The following SGCZ variants were observed in gnomAD, a reference collection of about 807,000 sequenced individuals.
SGCZ encodes zeta-sarcoglycan.
Under a neutral mutation model 41.3 loss-of-function variants are expected in SGCZ, and 40 were observed. The ratio of observed to expected loss-of-function variants is 0.97; its 90% CI spans 0.75 to 1.26. The LOEUF (loss-of-function observed/expected upper bound fraction) is 1.26. Among genes scored for constraint, SGCZ ranks in the 50% most tolerant of loss-of-function variants. The probability of loss-of-function intolerance (pLI) is 0.00; values close to 1 mark genes in which losing one functional copy is unlikely to be tolerated. For synonymous variants in SGCZ, 206 were observed against 137.5 expected (o/e 1.50, Z -3.49); for missense variants, 552 against 369.8 (o/e 1.49, Z -4.04).
At chr8:14,933,908 A>G (rs1353569001) in intron 1 of SGCZ, among the ~76,000 whole-genome samples, 1 of 152,034 alleles carries the variant, frequency 6.6e-6, no homozygotes, top group East Asian at 1.9e-4. Context: ...AAAAACACAC[A>G]GGGACAAAAT....
chr8:14,276,608 T>C (rs887369562), intron 3 of SGCZ, among the ~76,000 whole-genome samples: 1 of 152,198 alleles, frequency 6.6e-6, no homozygotes, highest in Admixed American at 6.5e-5. Context: ...TGCTCACTTC[T>C]CACTTGGACT....
intron 4 of SGCZ, among the ~76,000 whole-genome samples, chr8:14,206,178 C>A (rs1805609494): frequency 6.6e-6 from 1 of 151,946 alleles, no homozygotes; most frequent in East Asian, 1.9e-4. Flanking sequence ...AACATCATAT[C>A]CTTATAGTAT....
intron 3 of SGCZ, among the ~76,000 whole-genome samples, chr8:14,310,180 G>C (rs543851303): frequency 1.3e-5 from 2 of 152,194 alleles, no homozygotes; most frequent in East Asian, 1.9e-4. Context: ...ATGGCTGATA[G>C]ATTTTAATTT....
At chr8:14,458,484 C>A (rs577041383) in intron 2 of SGCZ, among the ~76,000 whole-genome samples, 2 of 152,078 alleles carry the variant, frequency 1.3e-5, no homozygotes, top group Non-Finnish European at 2.9e-5. Flanking sequence ...ATAATGAGAT[C>A]TAGGTGTCTC....
chr8:14,844,394 A>T (rs989752761), intron 1 of SGCZ, among the ~76,000 whole-genome samples: 1 of 152,140 alleles, frequency 6.6e-6, no homozygotes, highest in African/African-American at 2.4e-5. Flanking sequence ...GTGCTTTGCC[A>T]TACCCCTGTG....
intron 5 of SGCZ, among the ~76,000 whole-genome samples, chr8:14,160,234 A>T (rs951657536): frequency 6.6e-6 from 1 of 152,210 alleles, no homozygotes; most frequent in African/African-American, 2.4e-5. Flanking sequence ...AAACAATTCT[A>T]CGGGGCTGAT....
chr8:14,488,931 A>T (rs2117023673), intron 2 of SGCZ, among the ~76,000 whole-genome samples: 2 of 151,290 alleles, frequency 1.3e-5, no homozygotes, highest in South Asian at 4.2e-4. Context: ...TCCTCCATGG[A>T]TTCAGCAGCA....
At chr8:15,232,034 C>A (rs1246554716) in intron 1 of SGCZ, among the ~76,000 whole-genome samples, 1 of 152,220 alleles carries the variant, frequency 6.6e-6, no homozygotes, top group Non-Finnish European at 1.5e-5. Flanking sequence ...ATGCACAAAT[C>A]TTTACCTTGA....
chr8:15,090,886 A>G (rs971818113), intron 1 of SGCZ, among the ~76,000 whole-genome samples: 2 of 152,188 alleles, frequency 1.3e-5, no homozygotes, highest in Non-Finnish European at 2.9e-5. Flanking sequence ...GGGAAACGCT[A>G]AGCAGCCAAA....
At chr8:14,808,687 C>A (rs910985583) in intron 1 of SGCZ, among the ~76,000 whole-genome samples, 2 of 152,022 alleles carry the variant, frequency 1.3e-5, no homozygotes, top group Non-Finnish European at 2.9e-5. Flanking sequence ...CCTCAGGGAT[C>A]TAGAACTAGA....
intron 2 of SGCZ, among the ~76,000 whole-genome samples, chr8:14,427,560 T>G (rs1265264518): frequency 6.6e-6 from 1 of 152,128 alleles, no homozygotes; most frequent in Non-Finnish European, 1.5e-5. Context: ...GATTAGAATC[T>G]TTGTGTGGTA....
intron 1 of SGCZ, among the ~76,000 whole-genome samples, chr8:14,809,071 G>A (rs1012393917): frequency 6.8e-6 from 1 of 146,824 alleles, no homozygotes; most frequent in Non-Finnish European, 1.5e-5. Flanking sequence ...CACACTCTGG[G>A]GACTGTTGTG....
In SGCZ at chr8:14,996,977, C is replaced by A. The variant is rs17120697; in HGVS notation, c.39+240608G>T. Among the ~76,000 whole-genome samples, 993 of 152,266 alleles carry A rather than the reference C, an allele frequency of 6.5e-3. 8 individuals carry two copies. Among genetic ancestry groups the A allele is most frequent in the African/African-American group, 0.022 (932 of 41,560 alleles). ...TTACTACTCTACATAGTAAGGAAGACGCTCTTTTGTGTTCATTTGAAAAGG... is the reference window on the plus strand; with the variant it reads ...TTACTACTCTACATAGTAAGGAAGAAGCTCTTTTGTGTTCATTTGAAAAGG... On this transcript the variant is annotated intron_variant, in intron 1 of 7. Coordinates refer to ENST00000382080, the MANE Select transcript of SGCZ (RefSeq NM_139167.4).
At chr8:14,931,371 T>G (rs1323503392) in intron 1 of SGCZ, among the ~76,000 whole-genome samples, 1 of 152,094 alleles carries the variant, frequency 6.6e-6, no homozygotes, top group Admixed American at 6.5e-5. Flanking sequence ...TTATTTGTGT[T>G]TTAACAATAA....
chr8:14,380,268 T>A (rs1009675434), intron 2 of SGCZ, among the ~76,000 whole-genome samples: 1 of 152,194 alleles, frequency 6.6e-6, no homozygotes, highest in East Asian at 1.9e-4. Context: ...TCACATCCAT[T>A]GATGTTTTCC....
intron 2 of SGCZ, among the ~76,000 whole-genome samples, chr8:14,330,513 A>T (rs1448431348): frequency 6.6e-6 from 1 of 152,116 alleles, no homozygotes; most frequent in Non-Finnish European, 1.5e-5. Context: ...GAATGAAAAA[A>T]TAATATTCTC....
At chr8:14,469,528 T>G (rs1456047238) in intron 2 of SGCZ, among the ~76,000 whole-genome samples, 1 of 152,126 alleles carries the variant, frequency 6.6e-6, no homozygotes, top group Non-Finnish European at 1.5e-5. Context: ...TTGTCCCCAT[T>G]TCCTGGCATA....
intron 5 of SGCZ, among the ~76,000 whole-genome samples, chr8:14,138,133 C>G (rs1022936737): frequency 5.9e-5 from 9 of 152,092 alleles, no homozygotes; most frequent in African/African-American, 1.2e-4. Context: ...CAAATGCTGA[C>G]AGATTTTGTC....
At chr8:14,121,121 G>C (rs1207184959) in intron 5 of SGCZ, among the ~76,000 whole-genome samples, 2 of 152,188 alleles carry the variant, frequency 1.3e-5, no homozygotes, top group East Asian at 3.9e-4. Context: ...CAGAGCAATA[G>C]ATATCCTTCT....
Sources: allele counts gnomAD v4.1 joint callset (sites outside exome capture counted in the v4.1 genomes callset), GRCh38; gene constraint gnomAD v4.1.1; transcripts MANE v1.5; gene names NCBI Gene and HGNC (gene_info 2026-07-23, HGNC 2026-07-21).